Variants in USP43 observed in about 807,000 individuals in gnomAD.
USP43 encodes ubiquitin carboxyl-terminal hydrolase 43.
Under a neutral mutation model 90.7 loss-of-function variants are expected in USP43, and 33 were observed. That is an observed-to-expected ratio of 0.36 (90% CI 0.28 to 0.49). The LOEUF is 0.49. Ranked by LOEUF, USP43 falls within the 20% of genes least tolerant of loss-of-function variation. The pLI, the probability that USP43 is intolerant of heterozygous loss-of-function variation, is 0.98. For synonymous variants in USP43, 598 were observed against 615.8 expected, an observed-to-expected ratio of 0.97 and a Z score of 0.43; for missense variants, 1,274 against 1,476.4, an observed-to-expected ratio of 0.86 and a Z score of 2.25.
intron 5 of USP43, among the ~76,000 whole-genome samples, chr17:9,678,359 TTTTA>T (rs1913922627): frequency 6.6e-6 from 1 of 152,338 alleles, no homozygotes; most frequent in South Asian, 2.1e-4. Flanking sequence ...TATTTTTCTA[TTTTA>T]TTTATTTATT....
chr17:9,645,953 C>A lies in USP43; in HGVS notation c.321C>A (p.Gly107=). 6.8e-7 allele frequency: 1 copy of A among 1,478,878 alleles called. No individual in the cohort carries two copies. The allele number at this position is 1,478,878 out of a possible 1,614,324, so 91.6% of individuals were successfully genotyped here. A position where few individuals can be genotyped will look rare whatever the true frequency, so the allele number is the denominator to read the frequency against. ...PPGAQGLKNH[G]NTCFMNAVVQ... ...GCGCTCAGGGCTTGAAGAACCACGGCAACACCTGTTTCATGAACGCGGTGG... is the reference window on the plus strand; with the variant it reads ...GCGCTCAGGGCTTGAAGAACCACGGAAACACCTGTTTCATGAACGCGGTGG... The change falls in exon 1 of 15, where the codon GGC becomes GGA. Residue 107 remains glycine, a synonymous_variant. Coordinates refer to ENST00000285199, the MANE Select transcript of USP43 (RefSeq NM_153210.5). The surrounding 1 kb of genome is among the most constrained non-coding windows in gnomAD (Gnocchi z 6.8).
intron 5 of USP43, among the ~76,000 whole-genome samples, chr17:9,679,787 C>G (rs745656537): frequency 2.6e-5 from 4 of 152,058 alleles, no homozygotes; most frequent in Non-Finnish European, 2.9e-5. Flanking sequence ...CTAGGGCAGT[C>G]AGGGCCCCCA....
Position 9,701,812 on chromosome 17 carries a change from A to G in USP43, c.2011+112A>G. On this transcript the variant is annotated intron_variant, in intron 12 of 14. Transcript: ENST00000285199. The surrounding 1 kb of genome is among the most constrained non-coding windows in gnomAD (Gnocchi z 7.2). ...TCCCTGGGGCACTTATTGAGATCCG[A>G]CCCCTCACCCACCGCACACCAGGAA... 2 of 895,912 alleles carry G rather than the reference A, an allele frequency of 2.2e-6. No homozygotes were observed. The highest frequency in any genetic ancestry group is 3.3e-6 in the Non-Finnish European group (2 of 613,292). 55.5% of individuals were successfully genotyped at this position (895,912 alleles called of 1,614,324 possible).
Position 9,674,027 on chromosome 17 carries a change from C to T in USP43, c.741-864C>T, listed in dbSNP as rs1446845371. ...TTAGAAAGATTTTGATGTCTGGACC[C>T]CTCTCTACCCACCTTGAAACAGAAT... On this transcript the variant is annotated intron_variant, in intron 3 of 14. Transcript: ENST00000285199. This position sits in a 1 kb window ranked among gnomAD's most constrained non-coding sequence, Gnocchi z 4.4. Among the ~76,000 whole-genome samples the T allele has an allele frequency of 1.3e-5, 2 of 152,034 alleles. No homozygotes were observed. Among genetic ancestry groups the T allele is most frequent in the African/African-American group, 4.8e-5 (2 of 41,384 alleles).
At chr17:9,689,563 C>T (rs1313380247) in intron 8 of USP43, among the ~76,000 whole-genome samples, 2 of 151,994 alleles carry the variant, frequency 1.3e-5, no homozygotes, top group Non-Finnish European at 2.9e-5. Context: ...AAGCACCTGC[C>T]ATCATGCCTG....
chr17:9,646,279 A>T, intron 1 of USP43, 143 bp downstream of exon 1: 1 of 1,137,032 alleles, frequency 8.8e-7, no homozygotes, highest in East Asian at 3.2e-5. Flanking sequence ...CTTTGTTTTG[A>T]GTCGATGTGT....
At chr17:9,710,592 C>T (rs1164669746) in intron 13 of USP43, among the ~76,000 whole-genome samples, 3 of 146,832 alleles carry the variant, frequency 2.0e-5, no homozygotes, top group African/African-American at 7.7e-5. Flanking sequence ...GCAACCTCTG[C>T]CTCTTGGGTT....
In USP43 at chr17:9,694,368, C is replaced by G. The variant is rs569749240; in HGVS notation, c.1457+1138C>G. ...AGGGTCATCAAGGGCCTGTTTGGGTCTCCCAGGGAGAGGAAGCCCCTTCCC... is the reference window on the plus strand; with the variant it reads ...AGGGTCATCAAGGGCCTGTTTGGGTGTCCCAGGGAGAGGAAGCCCCTTCCC... On this transcript the variant is annotated intron_variant, in intron 9 of 14. Transcript: ENST00000285199. Among the ~76,000 whole-genome samples the G allele has an allele frequency of 2.0e-5, 3 of 152,310 alleles. No homozygotes were observed. The East Asian group carries it at 5.8e-4, about 29-fold the overall frequency.
At chr17:9,655,026 C>G (rs981894305) in intron 1 of USP43, among the ~76,000 whole-genome samples, 1 of 146,120 alleles carries the variant, frequency 6.8e-6, no homozygotes, top group African/African-American at 2.5e-5. Flanking sequence ...GCATGAGCCA[C>G]TGCACCTGGC....
intron 14 of USP43, among the ~76,000 whole-genome samples, chr17:9,721,554 A>G (rs78968982): frequency 0.039 from 5,980 of 152,188 alleles, 225 homozygotes; most frequent in East Asian, 0.21. Context: ...TGCTCTGTGC[A>G]TGTATAAACT....
Position 9,701,825 on chromosome 17 carries a change from C to T in USP43, c.2011+125C>T, listed in dbSNP as rs774757932. ...TATTGAGATCCGACCCCTCACCCAC[C>T]GCACACCAGGAAGATGAGGATGAGG... On this transcript the variant is annotated intron_variant, in intron 12 of 14. Coordinates refer to ENST00000285199, the MANE Select transcript of USP43 (RefSeq NM_153210.5). The surrounding 1 kb of genome is among the most constrained non-coding windows in gnomAD (Gnocchi z 7.2). 9.2e-5 allele frequency: 72 copies of T among 784,624 alleles called. No homozygotes were observed. The South Asian group carries it at 1.0e-3, about 11-fold the overall frequency. 48.6% of individuals were successfully genotyped at this position (784,624 alleles called of 1,614,324 possible).
At chr17:9,646,269 C>T (rs1364591022) in intron 1 of USP43, 133 bp downstream of exon 1, 5 of 1,207,456 alleles carry the variant, frequency 4.1e-6, no homozygotes, top group Non-Finnish European at 4.2e-6. Context: ...GGATTACCGG[C>T]TTTGTTTTGA....
At chr17:9,722,867 A>G (rs1407650255) in intron 14 of USP43, among the ~76,000 whole-genome samples, 1 of 152,150 alleles carries the variant, frequency 6.6e-6, no homozygotes, top group African/African-American at 2.4e-5. Context: ...TTCCCCTCGC[A>G]GCACTTAGCT....
intron 14 of USP43, among the ~76,000 whole-genome samples, chr17:9,727,342 C>T (rs1474222836): frequency 6.6e-6 from 1 of 152,162 alleles, no homozygotes; most frequent in Non-Finnish European, 1.5e-5. Context: ...ACAAACAGCA[C>T]TGCCATGGCC....
At chr17:9,675,738 G>C (rs940953137) in intron 4 of USP43, among the ~76,000 whole-genome samples, 2 of 152,152 alleles carry the variant, frequency 1.3e-5, no homozygotes, top group African/African-American at 4.8e-5. Flanking sequence ...CTCCCTTTCT[G>C]CTCTAAAATT....
In USP43 at chr17:9,701,537, T is replaced by C; in HGVS notation, c.1848T>C (p.Ala616=). The change falls in exon 12 of 15, where the codon GCT becomes GCC. Residue 616 remains alanine, a synonymous_variant. Transcript: ENST00000285199. This position sits in a 1 kb window ranked among gnomAD's most constrained non-coding sequence, Gnocchi z 7.2. ...TTCCGCTCTCTGGACTCAACATGGC[T>C]CCCCATGTGGCCCAGAGAAGCACCA... ...VKFPLSGLNM[A]PHVAQRSTSP... is the part of the protein sequence containing the mutation. 1.9e-6 allele frequency: 3 copies of C among 1,565,738 alleles called. No individual in the cohort carries two copies. The highest frequency in any genetic ancestry group is 2.6e-6 in the Non-Finnish European group (3 of 1,155,436).
In USP43 at chr17:9,676,897, A is replaced by G; in HGVS notation, c.969+16A>G. The stretch of plus-strand genomic sequence containing the variant: ...TGCAGATGAGGTGTGATAGAATTGC[A>G]CTGGGGCCTGGTCATTGGATGATAG... On this transcript the variant is annotated intron_variant, in intron 5 of 14. Transcript: ENST00000285199. 1.2e-6 allele frequency: 2 copies of G among 1,611,290 alleles called. No homozygotes were observed. Among genetic ancestry groups the G allele is most frequent in the South Asian group, 2.2e-5 (2 of 90,562 alleles).
intron 3 of USP43, among the ~76,000 whole-genome samples, chr17:9,670,798 G>A (rs1913367010): frequency 6.6e-6 from 1 of 152,176 alleles, no homozygotes; most frequent in South Asian, 2.1e-4. Context: ...ATAGCATGAT[G>A]AGTAAGAGGC....
chr17:9,681,311 T>C, intron 6 of USP43, among the ~76,000 whole-genome samples: 1 of 108,820 alleles, frequency 9.2e-6, no homozygotes, highest in African/African-American at 3.7e-5. Context: ...TATAGATAAA[T>C]ATATATAAAT....
Sources: allele counts gnomAD v4.1 joint callset (sites outside exome capture counted in the v4.1 genomes callset), GRCh38; gene constraint gnomAD v4.1.1; non-coding constraint Gnocchi (gnomAD v3.1); transcripts MANE v1.5; gene names NCBI Gene and HGNC (gene_info 2026-07-23, HGNC 2026-07-21).